PKIB: variants seen among roughly 807,000 people sequenced by gnomAD.
PKIB encodes the protein cAMP-dependent protein kinase inhibitor beta, also known as PKI-beta.
In PKIB, 2 loss-of-function variants were observed where a neutral mutation model predicts 4.5. The ratio of observed to expected loss-of-function variants is 0.44; its 90% CI spans 0.18 to 1.39. The LOEUF (loss-of-function observed/expected upper bound fraction) is 1.39. Among genes scored for constraint, PKIB ranks in the 40% most tolerant of loss-of-function variants. PKIB has a pLI of 0.27. For missense variants in PKIB, 94 were observed against 92.6 expected (o/e 1.02, Z -0.06); for synonymous variants, 38 against 36.0 (o/e 1.06, Z -0.20).
intron 2 of PKIB, among the ~76,000 whole-genome samples, chr6:122,498,759 G>A (rs1011650024): frequency 2.0e-5 from 3 of 152,094 alleles, no homozygotes; most frequent in South Asian, 2.1e-4. Flanking sequence ...ATCCTTACAA[G>A]GGATCAATGA....
At position 122,717,843 on chromosome 6, in the gene PKIB, A is replaced by T; in HGVS notation, c.49A>T (p.Asn17Tyr). The part of the protein sequence containing the change: ...KMTDVESGVA[N>Y]FASSARAGRR... ...GACTGACGTGGAGTCTGGGGTCGCCAATTTTGCATCTTCAGCAAGGGCAGG... is the reference window on the plus strand; with the variant it reads ...GACTGACGTGGAGTCTGGGGTCGCCTATTTTGCATCTTCAGCAAGGGCAGG... Residue 17 changes from asparagine to tyrosine, a missense_variant, in exon 4 of 5, where the codon AAT becomes TAT. Asn to Tyr is a moderately radical substitution (Grantham distance 143). Coordinates refer to ENST00000368452, the MANE Select transcript of PKIB (RefSeq NM_181795.3). 1 of 1,614,042 alleles carries T rather than the reference A, an allele frequency of 6.2e-7. No individual in the cohort carries two copies. The highest frequency in any genetic ancestry group is 8.5e-7 in the Non-Finnish European group (1 of 1,179,984).
chr6:122,638,268 T>C, intron 2 of PKIB, among the ~76,000 whole-genome samples: 1 of 152,154 alleles, frequency 6.6e-6, no homozygotes, highest in Non-Finnish European at 1.5e-5. Context: ...TTAGGGAAAA[T>C]ATTCAAGGTT....
chr6:122,533,746 A>G (rs1289365466), intron 2 of PKIB, among the ~76,000 whole-genome samples: 1 of 152,194 alleles, frequency 6.6e-6, no homozygotes, highest in Non-Finnish European at 1.5e-5. Context: ...ACATTGCCTG[A>G]TTATATTCAG....
chr6:122,695,918 AG>A (rs1257955508), intron 3 of PKIB, among the ~76,000 whole-genome samples: 1 of 152,158 alleles, frequency 6.6e-6, no homozygotes, highest in Non-Finnish European at 1.5e-5. Flanking sequence ...TTGCATATAA[AG>A]CCATGTACAA....
In PKIB at chr6:122,716,046, G is replaced by A. The variant is rs1339150755; in HGVS notation, c.-8-1741G>A. 2.0e-5 allele frequency among the ~76,000 whole-genome samples: 3 copies of A among 152,204 alleles called. No individual in the cohort carries two copies. The East Asian group carries it at 5.8e-4, about 29-fold the overall frequency. ...TGTTCATGTAGTATTGAATAAAAAT[G>A]CTGGTTTTCCTCTTGGAAAATGCAA... On this transcript the variant is annotated intron_variant, in intron 3 of 4. Coordinates refer to ENST00000368452, the MANE Select transcript of PKIB (RefSeq NM_181795.3).
intron 1 of PKIB, among the ~76,000 whole-genome samples, chr6:122,627,072 A>G (rs958644475): frequency 3.9e-3 from 3 of 764 alleles, no homozygotes; most frequent in African/African-American, 5.1e-3. Flanking sequence ...GTCTCTACTA[A>G]AAAAAAAAAA....
intron 2 of PKIB, among the ~76,000 whole-genome samples, chr6:122,569,966 T>C (rs1350642003): frequency 6.6e-6 from 1 of 152,138 alleles, no homozygotes; most frequent in Non-Finnish European, 1.5e-5. Context: ...ACGGTGTCCT[T>C]ATTCCCATGA....
chr6:122,651,612 G>T (rs2114880231), intron 2 of PKIB, among the ~76,000 whole-genome samples: 1 of 152,298 alleles, frequency 6.6e-6, no homozygotes, highest in East Asian at 1.9e-4. Context: ...TAATTTTCAA[G>T]ATCCCATTTG....
intron 2 of PKIB, among the ~76,000 whole-genome samples, chr6:122,561,343 A>G (rs34407918): frequency 0.19 from 28,472 of 152,004 alleles, 3,344 homozygotes; most frequent in Non-Finnish European, 0.27. Flanking sequence ...ATGTATTTGC[A>G]TGGTTCTGAA....
chr6:122,498,460 A>G (rs552574190), intron 2 of PKIB, among the ~76,000 whole-genome samples: 1 of 152,196 alleles, frequency 6.6e-6, no homozygotes. Flanking sequence ...GACACAGCCA[A>G]ACCATATCAA....
intron 2 of PKIB, among the ~76,000 whole-genome samples, chr6:122,658,737 G>C (rs1014999964): frequency 2.0e-4 from 30 of 151,540 alleles, no homozygotes; most frequent in African/African-American, 7.0e-4. Context: ...ACCACTACTG[G>C]CTGCAACATC....
At chr6:122,647,961 C>T (rs1257314077) in intron 2 of PKIB, among the ~76,000 whole-genome samples, 1 of 152,224 alleles carries the variant, frequency 6.6e-6, no homozygotes, top group Non-Finnish European at 1.5e-5. Context: ...TGGTTTTCTT[C>T]ACAGAATGTG....
At chr6:122,647,214 C>T (rs1403017449) in intron 2 of PKIB, among the ~76,000 whole-genome samples, 2 of 152,182 alleles carry the variant, frequency 1.3e-5, no homozygotes, top group Non-Finnish European at 2.9e-5. Context: ...CAGGAAAAAC[C>T]TCAGTTCTGC....
At chr6:122,506,245 T>C (rs139923423) in intron 2 of PKIB, among the ~76,000 whole-genome samples, 3 of 152,274 alleles carry the variant, frequency 2.0e-5, no homozygotes, top group Admixed American at 6.5e-5. Context: ...AAGTAATAGT[T>C]TGATAATTAG....
At chr6:122,488,253 CACAA>C (rs1435399833) in intron 2 of PKIB, among the ~76,000 whole-genome samples, 4 of 152,076 alleles carry the variant, frequency 2.6e-5, no homozygotes, top group Non-Finnish European at 5.9e-5. Flanking sequence ...TATGTACACA[CACAA>C]ACACACACAT....
intron 2 of PKIB, chr6:122,482,530 T>G (rs766244179): frequency 3.4e-5 from 5 of 148,594 alleles, no homozygotes; most frequent in South Asian, 4.3e-4. Context: ...GAGGAAGAGA[T>G]AACTTTAGGT....
chr6:122,568,822 T>C (rs1365222694), intron 2 of PKIB, among the ~76,000 whole-genome samples: 1 of 151,862 alleles, frequency 6.6e-6, no homozygotes, highest in Non-Finnish European at 1.5e-5. Context: ...GAGACAGGGA[T>C]AGGTGTGGCC....
At chr6:122,697,350 A>T (rs546882867) in intron 3 of PKIB, among the ~76,000 whole-genome samples, 1 of 152,166 alleles carries the variant, frequency 6.6e-6, no homozygotes, top group South Asian at 2.1e-4. Flanking sequence ...TTTTGGCTTT[A>T]TGCTACAATT....
chr6:122,562,709 C>G (rs376800963), intron 2 of PKIB, among the ~76,000 whole-genome samples: 1 of 152,292 alleles, frequency 6.6e-6, no homozygotes, highest in East Asian at 1.9e-4. Context: ...GCTTTGTCTT[C>G]AAGCTCTGAA....
Sources: allele counts gnomAD v4.1 joint callset (sites outside exome capture counted in the v4.1 genomes callset), GRCh38; gene constraint gnomAD v4.1.1; transcripts MANE v1.5; gene names NCBI Gene and HGNC (gene_info 2026-07-23, HGNC 2026-07-21).